The following RPSA2 variants were observed in gnomAD, a reference collection of about 807,000 sequenced individuals.
The protein encoded by RPSA2 is small ribosomal subunit protein uS2B.
At chr19:23,835,422 A>C in the RPSA2 span, among the ~76,000 whole-genome samples, 1 of 152,148 alleles carries the variant, frequency 6.6e-6, no homozygotes, top group Non-Finnish European at 1.5e-5. Flanking sequence ...CATTTTAATC[A>C]GGGGCCTAAT....
chr19:23,809,252 G>C, the RPSA2 span: 2 of 152,120 alleles, frequency 1.3e-5, no homozygotes, highest in Non-Finnish European at 2.9e-5. Context: ...ATTTCATCCT[G>C]TTTTCATTAC....
chr19:23,839,635 C>T, the RPSA2 span, among the ~76,000 whole-genome samples: 1 of 152,324 alleles, frequency 6.6e-6, no homozygotes, highest in Middle Eastern at 3.4e-3. Flanking sequence ...CTTCTTGCCC[C>T]ATTCAAATTG....
the RPSA2 span, among the ~76,000 whole-genome samples, chr19:23,798,425 A>G: frequency 1.3e-5 from 2 of 152,176 alleles, no homozygotes; most frequent in Non-Finnish European, 1.5e-5. Flanking sequence ...TACAATTAGC[A>G]TAGTTATGTG....
At chr19:23,849,308 G>T in the RPSA2 span, among the ~76,000 whole-genome samples, 103 of 124,976 alleles carry the variant, frequency 8.2e-4, 1 homozygote, top group African/African-American at 2.9e-3. Context: ...GAAGCAATCT[G>T]AGGTGCCCAG....
the RPSA2 span, among the ~76,000 whole-genome samples, chr19:23,848,621 C>T: frequency 6.6e-6 from 1 of 152,204 alleles, no homozygotes; most frequent in Non-Finnish European, 1.5e-5. Flanking sequence ...TTGACCATTT[C>T]CCATGAATGA....
the RPSA2 span, among the ~76,000 whole-genome samples, chr19:23,804,395 C>G: frequency 2.0e-5 from 3 of 150,072 alleles, no homozygotes; most frequent in Non-Finnish European, 4.4e-5. Flanking sequence ...CTCCTGGGTT[C>G]ACGGCATTCT....
At chr19:23,856,068 G>A in the RPSA2 span, among the ~76,000 whole-genome samples, 3 of 152,102 alleles carry the variant, frequency 2.0e-5, no homozygotes, top group East Asian at 3.9e-4. Context: ...CATCAGGTGG[G>A]GGAGGAGTAG....
At chr19:23,855,868 C>T in the RPSA2 span, among the ~76,000 whole-genome samples, 3 of 152,056 alleles carry the variant, frequency 2.0e-5, no homozygotes, top group African/African-American at 7.2e-5. Context: ...GGTCCCAGAG[C>T]CATTAGGTGG....
the RPSA2 span, among the ~76,000 whole-genome samples, chr19:23,821,610 G>A: frequency 6.6e-6 from 1 of 152,174 alleles, no homozygotes; most frequent in Non-Finnish European, 1.5e-5. Context: ...GATCAGGTCG[G>A]CATCTGGCTC....
At chr19:23,789,022 TC>T in the RPSA2 span, among the ~76,000 whole-genome samples, 6,073 of 119,142 alleles carry the variant, frequency 0.051, 541 homozygotes, top group South Asian at 0.21. Context: ...TTTCTTTCTT[TC>T]TTTTTTTTTT....
At chr19:23,861,617 C>A in the RPSA2 span, among the ~76,000 whole-genome samples, 2 of 152,222 alleles carry the variant, frequency 1.3e-5, no homozygotes, top group East Asian at 1.9e-4. Flanking sequence ...TTGTTGAACT[C>A]CCCCTTTTTA....
At chr19:23,847,698 G>T in the RPSA2 span, among the ~76,000 whole-genome samples, 1 of 152,158 alleles carries the variant, frequency 6.6e-6, no homozygotes, top group Admixed American at 6.5e-5. Flanking sequence ...TACCAGGCTG[G>T]AGTTTCCCAA....
At chr19:23,844,201 G>A in the RPSA2 span, among the ~76,000 whole-genome samples, 1 of 151,994 alleles carries the variant, frequency 6.6e-6, no homozygotes, top group Non-Finnish European at 1.5e-5. Context: ...TAATTCATTG[G>A]CAAAATATTT....
the RPSA2 span, among the ~76,000 whole-genome samples, chr19:23,851,210 T>A: frequency 3.5e-4 from 4 of 11,500 alleles, no homozygotes; most frequent in African/African-American, 5.7e-4. Flanking sequence ...CATAAATCTT[T>A]AGGAGTTAGG....
At chr19:23,774,405 G>A in the RPSA2 span, among the ~76,000 whole-genome samples, 12 of 152,228 alleles carry the variant, frequency 7.9e-5, no homozygotes, top group South Asian at 1.2e-3. Context: ...ACTTGGCTCC[G>A]TACCAAACAA....
chr19:23,845,069 T>A, the RPSA2 span, among the ~76,000 whole-genome samples: 37 of 44,766 alleles, frequency 8.3e-4, no homozygotes, highest in Non-Finnish European at 1.3e-3. Context: ...TTATAATCAT[T>A]GCTAGTGATT....
chr19:23,841,553 G>T, the RPSA2 span, among the ~76,000 whole-genome samples: 148,807 of 152,286 alleles, frequency 0.98, 72,807 homozygotes, highest in Middle Eastern at 1. Context: ...TAATCTGAAA[G>T]CTCCCCTGTC....
At chr19:23,763,322 G>A in the RPSA2 span, among the ~76,000 whole-genome samples, 2 of 152,222 alleles carry the variant, frequency 1.3e-5, no homozygotes, top group Non-Finnish European at 2.9e-5. Flanking sequence ...AGCCCCGTCC[G>A]TGCGGGGCCA....
the RPSA2 span, among the ~76,000 whole-genome samples, chr19:23,845,662 T>A: frequency 3.9e-5 from 6 of 152,300 alleles, no homozygotes; most frequent in Non-Finnish European, 5.9e-5. Flanking sequence ...TAGCTATTTT[T>A]AAATTTTTTT....
Sources: gnomAD v4.1 joint callset for allele counts (sites outside exome capture counted in the v4.1 genomes callset) on GRCh38, gnomAD v4.1.1 for gene constraint, MANE v1.5 for transcripts, NCBI Gene and HGNC (gene_info 2026-07-23, HGNC 2026-07-21) for gene names.